KIF14: variants seen among roughly 807,000 people sequenced by gnomAD.
KIF14 encodes the protein kinesin family member 14.
In KIF14, 98 loss-of-function variants were observed where a neutral mutation model predicts 176.2. The ratio of observed to expected loss-of-function variants is 0.56; its 90% CI spans 0.47 to 0.66. KIF14 has a LOEUF of 0.66. KIF14 is among the 30% of genes least tolerant of loss of function. The pLI, the probability that KIF14 is intolerant of heterozygous loss-of-function variation, is 0.00. For synonymous variants in KIF14, 566 were observed against 632.2 expected (o/e 0.90, Z 1.57); for missense variants, 1,751 against 1,920.4 (o/e 0.91, Z 1.65).
chr1:200,567,264 G>A (rs1202087344), intron 23 of KIF14, among the ~76,000 whole-genome samples: 4 of 151,862 alleles, frequency 2.6e-5, no homozygotes, highest in Admixed American at 6.6e-5. Flanking sequence ...AAAACCGGCC[G>A]GGCACGGTGG....
rs1659459959 is a variant in KIF14, at chr1:200,598,242, A to G, written c.2544T>C (p.Asp848=). The change falls in exon 14 of 30, where the codon GAT becomes GAC. Residue 848 remains aspartate, a synonymous_variant. Transcript: ENST00000367350. ...IQLSGVLIAD[D]HCTIKNFGGT... ...TTTTTAGAGGATTAACATACCAATG[A>G]TCATCAGCAATCAGCACCCCAGATA... is the stretch of plus-strand genomic sequence containing the variant. 1 of 1,611,456 alleles carries G rather than the reference A, an allele frequency of 6.2e-7. No homozygotes were observed. The highest frequency in any genetic ancestry group is 2.2e-5 in the East Asian group (1 of 44,716).
In KIF14 at chr1:200,575,644, A is replaced by C. The variant is rs756452641; in HGVS notation, c.3513T>G (p.Asp1171Glu). 1 of 1,592,314 alleles carries C rather than the reference A, an allele frequency of 6.3e-7. No homozygotes were observed. Among genetic ancestry groups the C allele is most frequent in the Admixed American group, 1.7e-5 (1 of 59,152 alleles). ...RGEDAFCDPE[D>E]EWEPDITDAP... ...CATCTGTAATGTCGGGTTCCCATTC[A>C]TCTTCAGGATCACAAAAGGCATCTT... Residue 1171 changes from aspartate (D) to glutamate (E), a missense_variant, in exon 22 of 30, where the codon GAT becomes GAG. Asp to Glu is a conservative substitution (Grantham distance 45). Transcript: ENST00000367350.
chr1:200,594,704 A>G (rs768720346), intron 14 of KIF14, among the ~76,000 whole-genome samples: 2 of 152,214 alleles, frequency 1.3e-5, no homozygotes, highest in African/African-American at 2.4e-5. Flanking sequence ...TCATCTTTGG[A>G]TTAACGGGAT....
chr1:200,585,620 A>G lies in KIF14; in HGVS notation c.3241+481T>C, dbSNP rs140820282. 5.0e-3 allele frequency among the ~76,000 whole-genome samples: 768 copies of G among 152,324 alleles called. 11 individuals are homozygous for G. The highest frequency in any genetic ancestry group is 0.018 in the African/African-American group (747 of 41,576). On this transcript the variant is annotated intron_variant, in intron 19 of 29. Coordinates refer to ENST00000367350, the MANE Select transcript of KIF14 (RefSeq NM_014875.3). ...AACAGCAATTTATTGCTCACAGTTC[A>G]GGAGGCTGGAACTCTGAGATCAGGG...
Position 200,617,903 on chromosome 1 carries a change from T to C in KIF14, c.821A>G (p.Glu274Gly), listed in dbSNP as rs1660486335. The C allele has an allele frequency of 2.5e-6, 4 of 1,614,134 alleles. No individual in the cohort carries two copies. The highest frequency in any genetic ancestry group is 2.5e-6 in the Non-Finnish European group (3 of 1,180,032). ...AKTSNKFGSL[E>G]KRTPTKCTTE... ...TGTACATTTTGTAGGTGTTCTTTTTTCTAAGCTCCCAAATTTATTTGAAGT... is the reference window on the plus strand; with the variant it reads ...TGTACATTTTGTAGGTGTTCTTTTTCCTAAGCTCCCAAATTTATTTGAAGT... Residue 274 changes from glutamate (E) to glycine (G), a missense_variant, in exon 2 of 30, where the codon GAA (glutamate) becomes GGA (glycine). Transcript: ENST00000367350.
intron 4 of KIF14, among the ~76,000 whole-genome samples, chr1:200,612,881 CTTTTTTTTTT>C (rs58120760): frequency 1.3e-5 from 1 of 79,128 alleles, no homozygotes; most frequent in East Asian, 3.8e-4. Context: ...AGTTTATTCT[CTTTTTTTTTT>C]TTTTTTTTTT....
chr1:200,587,437 C>T lies in KIF14; in HGVS notation c.3115-1210G>A, dbSNP rs572584615. Among the ~76,000 whole-genome samples the T allele has an allele frequency of 1.4e-3, 209 of 149,566 alleles. 1 individual carries two copies. Among genetic ancestry groups the T allele is most frequent in the African/African-American group, 4.8e-3 (196 of 40,872 alleles). On this transcript the variant is annotated intron_variant, in intron 18 of 29. Coordinates refer to ENST00000367350, the MANE Select transcript of KIF14 (RefSeq NM_014875.3). ...AAAAAAAAGGCCATATCCAAGAACA[C>T]TTGTTGACTAAATAAAGAAGTTAAA...
At chr1:200,590,075 C>G (rs755327916) in intron 17 of KIF14, 50 bp downstream of exon 17, 39 of 1,552,512 alleles carry the variant, frequency 2.5e-5, no homozygotes, top group Non-Finnish European at 3.2e-5. Context: ...CAACACATCA[C>G]TTGGGGTACA....
chr1:200,588,030 C>T (rs796700403), intron 18 of KIF14, among the ~76,000 whole-genome samples: 3 of 152,016 alleles, frequency 2.0e-5, no homozygotes, highest in Admixed American at 1.3e-4. Flanking sequence ...TCCCTGACCC[C>T]ACAAACTTGG....
chr1:200,579,804 A>G (rs1658345399), intron 21 of KIF14, among the ~76,000 whole-genome samples: 1 of 152,126 alleles, frequency 6.6e-6, no homozygotes, highest in Admixed American at 6.5e-5. Context: ...TTCAGTTGTG[A>G]CTATAACAGG....
intron 11 of KIF14, among the ~76,000 whole-genome samples, chr1:200,601,014 C>G (rs1659598646): frequency 6.6e-6 from 1 of 152,044 alleles, no homozygotes; most frequent in African/African-American, 2.4e-5. Flanking sequence ...TCCCGAGTAG[C>G]CAGGATTACA....
At position 200,575,585 on chromosome 1, in the gene KIF14, C is replaced by A; in HGVS notation, c.3566+6G>T. ...GCAAGAAAACTAGTAACAAAATTGT[C>A]TTTACCTCCTTCTAGAAAGTGAAGA... On this transcript the variant is annotated splice_donor_region_variant and intron_variant, in intron 22 of 29. Transcript: ENST00000367350. The A allele has an allele frequency of 6.4e-7, 1 of 1,561,318 alleles. No individual in the cohort carries two copies. Among genetic ancestry groups the A allele is most frequent in the Non-Finnish European group, 8.7e-7 (1 of 1,145,748 alleles).
At chr1:200,613,869 C>G (rs1427631950) in intron 4 of KIF14, among the ~76,000 whole-genome samples, 1 of 152,106 alleles carries the variant, frequency 6.6e-6, no homozygotes, top group Non-Finnish European at 1.5e-5. Context: ...GCCAGTACAG[C>G]CTATTCAGGT....
At chr1:200,561,535 TGTCTCACTGATTTTCAAAAGA>T (rs962251525) in intron 25 of KIF14, among the ~76,000 whole-genome samples, 3 of 150,272 alleles carry the variant, frequency 2.0e-5, no homozygotes, top group Non-Finnish European at 4.4e-5. Context: ...CGAGAGACTC[TGTCTCACTGATTTTCAAAAGA>T]AAAGAGAAGA....
rs959211426 is a variant in KIF14, at chr1:200,613,017, A to G, written c.1455+1301T>C. ...ATTCTCCTGCCTCAGCCTCCCAAGT[A>G]GATGGGATTACAGGCATGTGCCACC... On this transcript the variant is annotated intron_variant, in intron 4 of 29. Transcript: ENST00000367350. Among the ~76,000 whole-genome samples the G allele has an allele frequency of 7.3e-5, 11 of 150,676 alleles. No individual in the cohort carries two copies. The East Asian group carries it at 1.8e-3, about 24-fold the overall frequency.
intron 25 of KIF14, among the ~76,000 whole-genome samples, chr1:200,564,647 G>A (rs2102589056): frequency 6.6e-6 from 1 of 152,262 alleles, no homozygotes; most frequent in Non-Finnish European, 1.5e-5. Flanking sequence ...TCTCTTCCCA[G>A]TATCCCTTAT....
intron 4 of KIF14, among the ~76,000 whole-genome samples, chr1:200,612,737 G>C (rs1346364669): frequency 6.6e-6 from 1 of 151,902 alleles, no homozygotes; most frequent in East Asian, 1.9e-4. Context: ...AAATGACATC[G>C]ATATCTAATC....
chr1:200,567,176 A>AC (rs1657507410), intron 23 of KIF14, among the ~76,000 whole-genome samples: 1 of 151,094 alleles, frequency 6.6e-6, no homozygotes, highest in Admixed American at 6.6e-5. Context: ...TGTCCTCAAA[A>AC]AAAAAAAAAC....
intron 10 of KIF14, among the ~76,000 whole-genome samples, chr1:200,602,434 T>TGAA (rs1237912004): frequency 6.6e-6 from 1 of 152,168 alleles, no homozygotes; most frequent in Non-Finnish European, 1.5e-5. Context: ...TTGAAAATGA[T>TGAA]GAACATTGAA....
Sources: allele counts gnomAD v4.1 joint callset (sites outside exome capture counted in the v4.1 genomes callset), GRCh38; gene constraint gnomAD v4.1.1; transcripts MANE v1.5; gene names NCBI Gene and HGNC (gene_info 2026-07-23, HGNC 2026-07-21).